CHD9: variants seen among roughly 807,000 people sequenced by gnomAD.
CHD9 encodes chromodomain helicase DNA binding protein 9, also known as ATP-dependent chromatin remodeler CHD9.
In CHD9, 77 loss-of-function variants were observed where a neutral mutation model predicts 316.1. The ratio of observed to expected loss-of-function variants is 0.24; its 90% CI spans 0.20 to 0.29. The LOEUF (loss-of-function observed/expected upper bound fraction) is 0.29, where lower values mean the gene tolerates loss of function less well. Ranked by LOEUF, CHD9 falls within the 10% of genes least tolerant of loss-of-function variation. CHD9 has a pLI of 1.00. For synonymous variants in CHD9, 1,129 were observed against 1,158.3 expected (o/e 0.97, Z 0.51); for missense variants, 2,763 against 3,438.1 (o/e 0.80, Z 4.91).
intron 2 of CHD9, among the ~76,000 whole-genome samples, chr16:53,195,323 C>T (rs1042874956): frequency 2.0e-5 from 3 of 152,158 alleles, no homozygotes; most frequent in African/African-American, 7.2e-5. Context: ...TGGACATATA[C>T]CCAAGATTGG....
At position 53,247,468 on chromosome 16, in the gene CHD9, C is replaced by T; in HGVS notation, c.3630C>T (p.Cys1210=). ...TCATCTTCTCTCAAATGGTTCGTTG[C>T]CTTGACATTCTGGAGGACTATCTCA... ...KVLIFSQMVR[C]LDILEDYLIH... is the part of the protein sequence containing the mutation. The change falls in exon 16 of 39, where the codon TGC becomes TGT. Residue 1210 remains cysteine, a synonymous_variant. Transcript: ENST00000447540. 1 of 1,605,408 alleles carries T rather than the reference C, an allele frequency of 6.2e-7. No individual in the cohort carries two copies. The highest frequency in any genetic ancestry group is 8.5e-7 in the Non-Finnish European group (1 of 1,175,330).
intron 27 of CHD9, among the ~76,000 whole-genome samples, chr16:53,288,835 G>A (rs1360562072): frequency 2.0e-5 from 3 of 151,722 alleles, no homozygotes; most frequent in Non-Finnish European, 4.4e-5. Context: ...TCTTGAGTTC[G>A]TGATTTGTCT....
intron 17 of CHD9, 44 bp from the exon 18 acceptor site, chr16:53,254,394 C>T: frequency 7.0e-7 from 1 of 1,422,970 alleles, no homozygotes; most frequent in Non-Finnish European, 9.4e-7. Context: ...CTATTAAATG[C>T]CTTTTGAGAA....
At chr16:53,128,084 G>A (rs530809100) in intron 1 of CHD9, among the ~76,000 whole-genome samples, 9 of 152,256 alleles carry the variant, frequency 5.9e-5, no homozygotes, top group Non-Finnish European at 8.8e-5. Context: ...AAGGTGAGGA[G>A]AGCCACTCCG....
intron 2 of CHD9, among the ~76,000 whole-genome samples, chr16:53,206,934 A>G (rs73597660): frequency 0.038 from 5,712 of 152,190 alleles, 367 homozygotes; most frequent in African/African-American, 0.13. Context: ...TTATCTCATT[A>G]TTGTTATTAT....
In CHD9 at chr16:53,238,447, T is replaced by C; in HGVS notation, c.2738T>C (p.Ile913Thr). 6.2e-7 allele frequency: 1 copy of C among 1,613,428 alleles called. No homozygotes were observed. Among genetic ancestry groups the C allele is most frequent in the Non-Finnish European group, 8.5e-7 (1 of 1,179,526 alleles). Residue 913 changes from isoleucine (I) to threonine (T), a missense_variant, in exon 12 of 39, where the codon ATT (isoleucine) becomes ACT (threonine). By Grantham distance (89) the Ile-to-Thr change is moderately conservative. Transcript: ENST00000447540. The part of the protein sequence containing the change: ...LLTGIRGPFL[I>T]IAPLSTIANW... Reference sequence around the variant, plus strand: ...ACTGGTATAAGAGGACCTTTCCTGATTATTGCTCCACTTTCTACTATTGCA... The same window carrying C: ...ACTGGTATAAGAGGACCTTTCCTGACTATTGCTCCACTTTCTACTATTGCA...
intron 1 of CHD9, among the ~76,000 whole-genome samples, chr16:53,100,466 T>TTTTTTTTC (rs1354082804): frequency 1.3e-5 from 2 of 151,290 alleles, no homozygotes; most frequent in Non-Finnish European, 3.0e-5. Flanking sequence ...TTTTTTTTTT[T>TTTTTTTTC]TTTTCCAAAA....
intron 1 of CHD9, among the ~76,000 whole-genome samples, chr16:53,056,083 G>A (rs1043710616): frequency 5.3e-5 from 8 of 152,118 alleles, no homozygotes. Context: ...TAGAGATAGG[G>A]CCTCACTATA....
chr16:53,164,329 T>C (rs2042122960), intron 2 of CHD9, among the ~76,000 whole-genome samples: 1 of 152,076 alleles, frequency 6.6e-6, no homozygotes, highest in African/African-American at 2.4e-5. Flanking sequence ...ATCCCAGCAC[T>C]TTGGGAGATG....
Position 53,088,341 on chromosome 16 carries a change from G to T in CHD9, c.-165+33264G>T, listed in dbSNP as rs1027498564. On this transcript the variant is annotated intron_variant, in intron 1 of 38. Coordinates refer to ENST00000447540, the MANE Select transcript of CHD9 (RefSeq NM_001308319.2). ...CGCCCAGGCTGGAGTGCAGTGGCGC[G>T]ATCTCAGCTCACTGCCAGCTCCGCC... Among the ~76,000 whole-genome samples, 5 of 146,354 alleles carry T rather than the reference G, an allele frequency of 3.4e-5. No homozygotes were observed. The South Asian group carries it at 8.8e-4, about 26-fold the overall frequency.
intron 38 of CHD9, among the ~76,000 whole-genome samples, chr16:53,322,137 A>G (rs2057318127): frequency 6.6e-6 from 1 of 151,434 alleles, no homozygotes; most frequent in African/African-American, 2.4e-5. Flanking sequence ...AGCTGGGACA[A>G]TAGGTGCCAC....
At chr16:53,124,503 T>A (rs2038886904) in intron 1 of CHD9, among the ~76,000 whole-genome samples, 1 of 122,582 alleles carries the variant, frequency 8.2e-6, no homozygotes, top group African/African-American at 3.1e-5. Flanking sequence ...TTGGAGAAGG[T>A]GTCTCGCTCT....
At chr16:53,235,659 G>A (rs2048559743) in intron 11 of CHD9, among the ~76,000 whole-genome samples, 1 of 152,042 alleles carries the variant, frequency 6.6e-6, no homozygotes, top group African/African-American at 2.4e-5. Context: ...TATGAGCAAG[G>A]TATACTTATA....
chr16:53,165,665 A>G (rs2042224118), intron 2 of CHD9, among the ~76,000 whole-genome samples: 1 of 152,222 alleles, frequency 6.6e-6, no homozygotes, highest in Admixed American at 6.5e-5. Flanking sequence ...AGTTAATTTT[A>G]TATATATTAG....
chr16:53,167,734 T>C (rs2042372120), intron 2 of CHD9, among the ~76,000 whole-genome samples: 1 of 147,710 alleles, frequency 6.8e-6, no homozygotes, highest in Non-Finnish European at 1.5e-5. Context: ...TAAGGTCCAA[T>C]TGCTTTTGTA....
At chr16:53,293,598 A>G (rs1328825817) in intron 29 of CHD9, among the ~76,000 whole-genome samples, 1 of 152,204 alleles carries the variant, frequency 6.6e-6, no homozygotes, top group African/African-American at 2.4e-5. Flanking sequence ...CCTAAGTGAC[A>G]GAGCAAGACG....
intron 2 of CHD9, among the ~76,000 whole-genome samples, chr16:53,185,659 G>A (rs2152815845): frequency 6.6e-6 from 1 of 152,332 alleles, no homozygotes; most frequent in Middle Eastern, 3.4e-3. Flanking sequence ...TCCAGTCACA[G>A]ACCCAGAGAA....
chr16:53,180,524 C>T (rs1042530786), intron 2 of CHD9, among the ~76,000 whole-genome samples: 4 of 151,994 alleles, frequency 2.6e-5, no homozygotes, highest in Admixed American at 6.6e-5. Context: ...ATTATAGAGA[C>T]AGTACTTTTT....
intron 1 of CHD9, among the ~76,000 whole-genome samples, chr16:53,091,612 C>T (rs369404651): frequency 6.6e-6 from 1 of 152,182 alleles, no homozygotes; most frequent in East Asian, 1.9e-4. Context: ...CCTGCAAACT[C>T]CTTTTGGACA....
Sources: allele counts gnomAD v4.1 joint callset (sites outside exome capture counted in the v4.1 genomes callset), GRCh38; gene constraint gnomAD v4.1.1; transcripts MANE v1.5; gene names NCBI Gene and HGNC (gene_info 2026-07-23, HGNC 2026-07-21).